DTNB: variants seen among roughly 807,000 people sequenced by gnomAD.
DTNB encodes dystrobrevin beta.
Under a neutral mutation model 90.7 loss-of-function variants are expected in DTNB, and 63 were observed. The ratio of observed to expected loss-of-function variants is 0.69; its 90% CI spans 0.57 to 0.86. DTNB has a LOEUF of 0.86. Among genes scored for constraint, DTNB ranks in the 40% least tolerant of loss-of-function variants. The pLI is 0.00. For synonymous variants in DTNB, 277 were observed against 286.7 expected, an observed-to-expected ratio of 0.97 and a Z score of 0.34; for missense variants, 744 against 807.1, an observed-to-expected ratio of 0.92 and a Z score of 0.95.
chr2:25,501,548 T>G (rs1271706515), intron 9 of DTNB, among the ~76,000 whole-genome samples: 6 of 152,088 alleles, frequency 3.9e-5, no homozygotes, highest in Admixed American at 2.0e-4. Context: ...CCCAGCTAAT[T>G]TTTGTTGGGT....
At chr2:25,553,739 C>T in intron 8 of DTNB, among the ~76,000 whole-genome samples, 1 of 114,350 alleles carries the variant, frequency 8.7e-6, no homozygotes, top group African/African-American at 3.4e-5. Flanking sequence ...AAAACTCCTT[C>T]TCAAAAAAAA....
intron 15 of DTNB, chr2:25,426,601 G>A (rs539697942): frequency 5.3e-5 from 8 of 152,300 alleles, no homozygotes; most frequent in East Asian, 1.9e-4. Flanking sequence ...GAATCACACC[G>A]TCAGTTCTCC....
chr2:25,478,895 GA>G (rs1171547770), intron 10 of DTNB, among the ~76,000 whole-genome samples: 5 of 152,234 alleles, frequency 3.3e-5, no homozygotes, highest in Non-Finnish European at 7.3e-5. Context: ...GGCAGCTTGG[GA>G]GCAGCTGTTC....
intron 16 of DTNB, among the ~76,000 whole-genome samples, chr2:25,395,916 A>T (rs1041487553): frequency 1.3e-5 from 2 of 152,358 alleles, no homozygotes; most frequent in South Asian, 4.1e-4. Flanking sequence ...TAAAAAATGT[A>T]GCCCAGAATT....
intron 8 of DTNB, among the ~76,000 whole-genome samples, chr2:25,534,922 C>T (rs1349694329): frequency 1.3e-4 from 20 of 148,726 alleles, no homozygotes; most frequent in Admixed American, 1.2e-3. Flanking sequence ...TCCCCACCTC[C>T]CAGATGAAGA....
chr2:25,620,833 T>A (rs973842005), intron 4 of DTNB, among the ~76,000 whole-genome samples: 6 of 152,050 alleles, frequency 3.9e-5, no homozygotes, highest in African/African-American at 1.4e-4. Flanking sequence ...AAATAGCCTG[T>A]TCACACTGAG....
chr2:25,625,962 C>T (rs771473877), intron 4 of DTNB, among the ~76,000 whole-genome samples: 12 of 152,184 alleles, frequency 7.9e-5, no homozygotes, highest in Non-Finnish European at 1.8e-4. Flanking sequence ...TGTGAGGATA[C>T]CACAAAAAGG....
intron 16 of DTNB, among the ~76,000 whole-genome samples, chr2:25,409,557 G>A (rs1340993662): frequency 6.6e-6 from 1 of 152,222 alleles, no homozygotes; most frequent in African/African-American, 2.4e-5. Context: ...AGGAGGTGGT[G>A]CTGAGGAGGT....
intron 9 of DTNB, among the ~76,000 whole-genome samples, chr2:25,528,655 T>C (rs2077595260): frequency 6.6e-6 from 1 of 152,160 alleles, no homozygotes; most frequent in Non-Finnish European, 1.5e-5. Flanking sequence ...TTAAGAAATA[T>C]AATTCAGAAA....
At chr2:25,522,461 C>CATTCACTCAATA (rs2076325695) in intron 9 of DTNB, among the ~76,000 whole-genome samples, 1 of 152,076 alleles carries the variant, frequency 6.6e-6, no homozygotes, top group Non-Finnish European at 1.5e-5. Flanking sequence ...ATTTTAGGTG[C>CATTCACTCAATA]CTACCACGCA....
chr2:25,542,891 T>C (rs2081582572), intron 8 of DTNB, among the ~76,000 whole-genome samples: 1 of 152,176 alleles, frequency 6.6e-6, no homozygotes, highest in African/African-American at 2.4e-5. Flanking sequence ...AGGCTTCCTT[T>C]ATGTGGTCAA....
intron 3 of DTNB, among the ~76,000 whole-genome samples, chr2:25,632,279 A>T (rs2075951242): frequency 6.6e-6 from 1 of 152,062 alleles, no homozygotes; most frequent in South Asian, 2.1e-4. Context: ...AAATCATATG[A>T]ACCATGCTCT....
At chr2:25,389,832 T>C (rs1048820662) in intron 16 of DTNB, among the ~76,000 whole-genome samples, 14 of 149,050 alleles carry the variant, frequency 9.4e-5, no homozygotes, top group African/African-American at 3.5e-4. Context: ...TCTGTGGTTC[T>C]TACTTTGAAT....
chr2:25,474,160 C>T (rs2063321024), intron 10 of DTNB, among the ~76,000 whole-genome samples: 1 of 152,162 alleles, frequency 6.6e-6, no homozygotes, highest in South Asian at 2.1e-4. Flanking sequence ...GGAATCTAAT[C>T]CCAACCCAGA....
intron 9 of DTNB, 138 bp from the exon 10 acceptor site, chr2:25,483,011 AC>A: frequency 1.3e-6 from 1 of 790,314 alleles, no homozygotes; most frequent in East Asian, 4.0e-5. Flanking sequence ...GAGGGGGGGG[AC>A]CCATGGGGAA....
At chr2:25,480,924 T>G (rs1029259806) in intron 10 of DTNB, among the ~76,000 whole-genome samples, 1 of 152,166 alleles carries the variant, frequency 6.6e-6, no homozygotes, top group African/African-American at 2.4e-5. Context: ...CTTAATTGCT[T>G]TGTATTCGTC....
rs115494895 is a variant in DTNB, at chr2:25,660,660, T to G, written c.-1-7999A>C. On this transcript the variant is annotated intron_variant, in intron 1 of 20. Coordinates refer to ENST00000406818, the MANE Select transcript of DTNB (RefSeq NM_021907.5). ...CTAAGGTAATCGTTTTCACTAAATA[T>G]TATATTGCTAAGATTCACCCTGTTG... Among the ~76,000 whole-genome samples, 360 of 152,294 alleles carry G rather than the reference T, an allele frequency of 2.4e-3. 3 individuals are homozygous for G. The highest frequency in any genetic ancestry group is 8.2e-3 in the African/African-American group (340 of 41,566).
At chr2:25,639,986 C>G (rs2077903835) in intron 2 of DTNB, among the ~76,000 whole-genome samples, 1 of 152,222 alleles carries the variant, frequency 6.6e-6, no homozygotes. Flanking sequence ...GATTCAAGCC[C>G]TAAGCCTTTG....
At chr2:25,624,168 T>C (rs1487741490) in intron 4 of DTNB, among the ~76,000 whole-genome samples, 2 of 152,262 alleles carry the variant, frequency 1.3e-5, no homozygotes, top group Admixed American at 6.5e-5. Context: ...AATCTACCTA[T>C]GACCTGGAAG....
Sources: allele counts gnomAD v4.1 joint callset (sites outside exome capture counted in the v4.1 genomes callset), GRCh38; gene constraint gnomAD v4.1.1; transcripts MANE v1.5; gene names NCBI Gene and HGNC (gene_info 2026-07-23, HGNC 2026-07-21).